Variants in UGT2A3 observed in about 807,000 individuals in gnomAD.
UGT2A3 encodes UDP-glucuronosyltransferase 2A3.
UGT2A3 carries 55 observed loss-of-function variants against 44.1 expected under a neutral mutation model. That is an observed-to-expected ratio of 1.25 (90% CI 1.00 to 1.56). The LOEUF is 1.56. Among genes scored for constraint, UGT2A3 ranks in the 40% most tolerant of loss-of-function variants. The pLI is 0.00. For missense variants in UGT2A3, 733 were observed against 621.6 expected (o/e 1.18, Z -1.91); for synonymous variants, 243 against 215.1 (o/e 1.13, Z -1.13).
In UGT2A3 at chr4:68,951,064, A is replaced by T. The variant is rs2109799802; in HGVS notation, c.697T>A (p.Phe233Ile). ...QDYDYHFWEE[F>I]YSKALGRPTT... ...GTCTTACCTAATGCCTTACTATAAA[A>T]CTCTTCCCAAAAATGATAGTCGTAA... Residue 233 changes from phenylalanine to isoleucine, a missense_variant, in exon 1 of 6, where the codon TTT becomes ATT. Coordinates refer to ENST00000251566, the MANE Select transcript of UGT2A3 (RefSeq NM_024743.4). 2 of 1,588,180 alleles carry T rather than the reference A, an allele frequency of 1.3e-6. No homozygotes were observed. The highest frequency in any genetic ancestry group is 1.7e-6 in the Non-Finnish European group (2 of 1,170,434).
Position 68,928,953 on chromosome 4 carries a change from A to G in UGT2A3, c.*860T>C, listed in dbSNP as rs1166846590. 6.6e-6 allele frequency: 1 copy of G among 152,080 alleles called. No homozygotes were observed. Among genetic ancestry groups the G allele is most frequent in the African/African-American group, 2.4e-5 (1 of 41,452 alleles). The allele number at this position is 152,080 out of a possible 1,614,324, so 9.4% of individuals were successfully genotyped here. A position where few individuals can be genotyped will look rare whatever the true frequency, so the allele number is the denominator to read the frequency against. On this transcript the variant is annotated 3_prime_UTR_variant, in exon 6 of 6. Coordinates refer to ENST00000251566, the MANE Select transcript of UGT2A3 (RefSeq NM_024743.4). ...AATTATACTTTTGATTATAGAGATA[A>G]GAATTATGAGTATTCATCATTTTTA... is the stretch of plus-strand genomic sequence containing the variant.
chr4:68,929,864 T>TA lies in UGT2A3; in HGVS notation c.1532dup (p.Leu511PhefsTer8), dbSNP rs765679748. 3.4e-5 allele frequency: 55 copies of TA among 1,608,504 alleles called. 1 individual carries two copies. In the African/African-American group the frequency reaches 5.5e-4, roughly 16 times the overall value. ...TTTTATTAAATTTTTGACAGGAAAA[T>TA]AAAAAACATTTTGTGAACAAGAATA... On this transcript the variant is annotated frameshift_variant, in exon 6 of 6. Coordinates refer to ENST00000251566, the MANE Select transcript of UGT2A3 (RefSeq NM_024743.4). LOFTEE classifies it low-confidence loss of function (END_TRUNC).
rs772874853 is a variant in UGT2A3, at chr4:68,931,267, A to C, written c.997-25T>G. 4.5e-6 allele frequency: 7 copies of C among 1,553,380 alleles called. No individual in the cohort carries two copies. The Admixed American group carries it at 5.1e-5, about 11-fold the overall frequency. On this transcript the variant is annotated intron_variant, in intron 3 of 5. Transcript: ENST00000251566. ...CCTACGGAAGAAACACATGTATTTC[A>C]CAGAGTGAACCACAGGATATTAGCA...
In UGT2A3 at chr4:68,930,583, A is replaced by T; in HGVS notation, c.1267T>A (p.Leu423Ile). 6.2e-7 allele frequency: 1 copy of T among 1,613,034 alleles called. No individual in the cohort carries two copies. The highest frequency in any genetic ancestry group is 8.5e-7 in the Non-Finnish European group (1 of 1,179,428). ...INFKTMTSEDLLRALRTVITD... is the reference protein window; with the variant it reads ...INFKTMTSEDILRALRTVITD... ...ATGACTGTTCTCAAAGCCCTCAGTA[A>T]ATCTTCGCTTGTCATAGTTTTGAAG... The change falls in exon 5 of 6, where the codon TTA (leucine) becomes ATA (isoleucine). Residue 423 changes from leucine to isoleucine, a missense_variant. Transcript: ENST00000251566.
At chr4:68,935,238 C>T (rs1160842790) in intron 2 of UGT2A3, among the ~76,000 whole-genome samples, 2 of 144,268 alleles carry the variant, frequency 1.4e-5, no homozygotes, top group African/African-American at 5.1e-5. Context: ...TTACCCTGAT[C>T]CCACACCAGA....
chr4:68,947,678 AAG>A (rs1174312793), intron 1 of UGT2A3, among the ~76,000 whole-genome samples: 1 of 151,834 alleles, frequency 6.6e-6, no homozygotes, highest in Admixed American at 6.6e-5. Flanking sequence ...TTTCTTACAT[AAG>A]ACTTGAAAGT....
At chr4:68,930,496 T>A in intron 5 of UGT2A3, 50 bp downstream of exon 5, 1 of 1,452,812 alleles carries the variant, frequency 6.9e-7, no homozygotes, top group South Asian at 1.4e-5. Context: ...TCTGGTATAA[T>A]GTATAACATA....
chr4:68,944,360 T>C (rs1730989724), intron 2 of UGT2A3, among the ~76,000 whole-genome samples: 1 of 151,792 alleles, frequency 6.6e-6, no homozygotes, highest in Admixed American at 6.6e-5. Context: ...ATTATGAACA[T>C]CCATGACTAA....
At position 68,928,745 on chromosome 4, in the gene UGT2A3, G is replaced by GA. The variant is rs2109772331; in HGVS notation, c.*1067_*1068insT. 6.6e-6 allele frequency: 1 copy of GA among 151,974 alleles called. No homozygotes were observed. Among genetic ancestry groups the GA allele is most frequent in the South Asian group, 2.1e-4 (1 of 4,824 alleles). The allele number at this position is 151,974 out of a possible 1,614,324, so 9.4% of individuals were successfully genotyped here. ...ATTATTACACTATATTTAGCTTTGT[G>GA]TAGAGCTTTACATATCAAAATATTT... On this transcript the variant is annotated 3_prime_UTR_variant, in exon 6 of 6. Transcript: ENST00000251566.
chr4:68,939,074 C>T (rs1196359101), intron 2 of UGT2A3, among the ~76,000 whole-genome samples: 1 of 152,126 alleles, frequency 6.6e-6, no homozygotes, highest in Non-Finnish European at 1.5e-5. Context: ...GAAGAACATT[C>T]CATGCTCATG....
At chr4:68,950,563 T>C (rs989126886) in intron 1 of UGT2A3, among the ~76,000 whole-genome samples, 2 of 151,886 alleles carry the variant, frequency 1.3e-5, no homozygotes, top group African/African-American at 4.8e-5. Flanking sequence ...CGTAAGTCTT[T>C]TAACTTTTTA....
intron 2 of UGT2A3, among the ~76,000 whole-genome samples, 197 bp from the exon 3 acceptor site, chr4:68,932,956 A>C (rs1717790746): frequency 6.6e-6 from 1 of 152,046 alleles, no homozygotes; most frequent in African/African-American, 2.4e-5. Context: ...TAAATATGTA[A>C]TCATTCATAC....
At position 68,945,383 on chromosome 4, in the gene UGT2A3, C is replaced by G; in HGVS notation, c.787G>C (p.Glu263Gln). 1 of 1,611,462 alleles carries G rather than the reference C, an allele frequency of 6.2e-7. No homozygotes were observed. The highest frequency in any genetic ancestry group is 8.5e-7 in the Non-Finnish European group (1 of 1,178,516). ...IWLIRTYWDF[E>Q]FPQPYQPNFE... is the part of the protein sequence containing the mutation. ...TTAGGTTGGTATGGTTGAGGAAATT[C>G]AAAATCCCAATATGTTCGTATTAGC... The change falls in exon 2 of 6, where the codon GAA becomes CAA. Residue 263 changes from glutamate (E) to glutamine (Q), a missense_variant. Glu to Gln is a conservative substitution (Grantham distance 29, BLOSUM62 2). Coordinates refer to ENST00000251566, the MANE Select transcript of UGT2A3 (RefSeq NM_024743.4).
Position 68,951,785 on chromosome 4 carries a change from T to A in UGT2A3, c.-25A>T. On this transcript the variant is annotated 5_prime_UTR_variant, in exon 1 of 6. Coordinates refer to ENST00000251566, the MANE Select transcript of UGT2A3 (RefSeq NM_024743.4). ...TGATGGCAGTTCCCTCACACACTGATCTGCAATGGTTTTGTAGTTACTAAG... is the reference window on the plus strand; with the variant it reads ...TGATGGCAGTTCCCTCACACACTGAACTGCAATGGTTTTGTAGTTACTAAG... 6.6e-7 allele frequency: 1 copy of A among 1,512,818 alleles called. No homozygotes were observed. The highest frequency in any genetic ancestry group is 8.9e-7 in the Non-Finnish European group (1 of 1,123,204). 93.7% of individuals were successfully genotyped at this position (1,512,818 alleles called of 1,614,324 possible).
chr4:68,931,729 A>G (rs1054430753), intron 3 of UGT2A3, among the ~76,000 whole-genome samples: 4 of 151,732 alleles, frequency 2.6e-5, no homozygotes, highest in Non-Finnish European at 5.9e-5. Flanking sequence ...CTTTCTTCTT[A>G]TATTTAATTG....
chr4:68,942,493 A>G (rs1718226788), intron 2 of UGT2A3, among the ~76,000 whole-genome samples: 1 of 141,876 alleles, frequency 7.0e-6, no homozygotes, highest in South Asian at 2.2e-4. Context: ...GCTCAATAGC[A>G]TTCCACTGGA....
intron 1 of UGT2A3, among the ~76,000 whole-genome samples, chr4:68,949,265 T>C (rs1322340903): frequency 1.3e-5 from 2 of 151,874 alleles, no homozygotes; most frequent in African/African-American, 2.4e-5. Context: ...TTGGTTTAAA[T>C]TGAGAGACCT....
chr4:68,929,864 TA>T lies in UGT2A3; in HGVS notation c.1532del (p.Leu511TyrfsTer13), dbSNP rs765679748. ...TAIFLFTKCF[L>X]FSCQKFNKTR... ...TTTTATTAAATTTTTGACAGGAAAA[TA>T]AAAAACATTTTGTGAACAAGAATAT... On this transcript the variant is annotated frameshift_variant, in exon 6 of 6. Coordinates refer to ENST00000251566, the MANE Select transcript of UGT2A3 (RefSeq NM_024743.4). LOFTEE classifies it low-confidence loss of function (END_TRUNC). The T allele has an allele frequency of 6.2e-7, 1 of 1,608,504 alleles. No individual in the cohort carries two copies. The highest frequency in any genetic ancestry group is 1.1e-5 in the South Asian group (1 of 89,894).
chr4:68,940,722 T>TATATATATAATATACACATATATAC (rs1297555037), intron 2 of UGT2A3, among the ~76,000 whole-genome samples: 10 of 147,612 alleles, frequency 6.8e-5, no homozygotes, highest in Non-Finnish European at 8.9e-5. Context: ...TAAAGTATTG[T>TATATATATAATATACACATATATAC]ATATATATAA....
Sources: gnomAD v4.1 joint callset for allele counts (sites outside exome capture counted in the v4.1 genomes callset) on GRCh38, gnomAD v4.1.1 for gene constraint, MANE v1.5 for transcripts, NCBI Gene and HGNC (gene_info 2026-07-23, HGNC 2026-07-21) for gene names.